The following QTRT2 variants were observed in gnomAD, a reference collection of about 807,000 sequenced individuals.
QTRT2 encodes the protein queuine tRNA-ribosyltransferase accessory subunit 2, also known as queuine tRNA-ribosyltransferase domain containing 1.
Under a neutral mutation model 44.8 loss-of-function variants are expected in QTRT2, and 32 were observed. That is an observed-to-expected ratio of 0.71 (90% confidence interval 0.54 to 0.96). QTRT2 has a LOEUF of 0.96. QTRT2 is among the 40% of genes least tolerant of loss of function. QTRT2 has a pLI of 0.00. For missense variants in QTRT2, 461 were observed against 503.1 expected (o/e 0.92, Z 0.80); for synonymous variants, 182 against 187.4 (o/e 0.97, Z 0.24).
At chr3:114,081,382 C>T (rs888469319) in intron 8 of QTRT2, among the ~76,000 whole-genome samples, 9 of 152,188 alleles carry the variant, frequency 5.9e-5, no homozygotes, top group Non-Finnish European at 1.2e-4. Context: ...TAGGGTCTCA[C>T]TCTGTTGCCC....
chr3:114,059,132 C>T (rs1279733891), intron 2 of QTRT2, among the ~76,000 whole-genome samples: 1 of 152,174 alleles, frequency 6.6e-6, no homozygotes, highest in African/African-American at 2.4e-5. Context: ...GTGGGTCGCA[C>T]TGGAAGTGTT....
At chr3:114,061,164 A>T (rs1577508296) in intron 2 of QTRT2, among the ~76,000 whole-genome samples, 1 of 152,066 alleles carries the variant, frequency 6.6e-6, no homozygotes, top group South Asian at 2.1e-4. Flanking sequence ...AGTTGCCTTT[A>T]TGTACCTTCT....
rs562703386 is a variant in QTRT2, at chr3:114,070,914, G to C, written c.546+76G>C. 959 of 1,141,580 alleles carry C rather than the reference G, an allele frequency of 8.4e-4. 1 individual carries two copies. Among genetic ancestry groups the C allele is most frequent in the Non-Finnish European group, 1.2e-3 (893 of 771,108 alleles). The allele number at this position is 1,141,580 out of a possible 1,614,324, so 70.7% of individuals were successfully genotyped here. On this transcript the variant is annotated intron_variant, in intron 6 of 9. Coordinates refer to ENST00000281273, the MANE Select transcript of QTRT2 (RefSeq NM_024638.4). Reference sequence around the variant, plus strand: ...TACATTCTGTGATACCACCTTTTCTGTTCTTCCTCCTACTGCTGTGCTCCT... The same window carrying C: ...TACATTCTGTGATACCACCTTTTCTCTTCTTCCTCCTACTGCTGTGCTCCT...
intron 9 of QTRT2, among the ~76,000 whole-genome samples, chr3:114,084,259 C>T (rs1362763220): frequency 6.6e-6 from 1 of 152,078 alleles, no homozygotes; most frequent in African/African-American, 2.4e-5. Flanking sequence ...GACGGGGTTT[C>T]ACCATGTTGG....
chr3:114,058,680 G>A (rs1160375452), intron 2 of QTRT2, among the ~76,000 whole-genome samples: 1 of 152,120 alleles, frequency 6.6e-6, no homozygotes, highest in Non-Finnish European at 1.5e-5. Flanking sequence ...TTACAGGCAT[G>A]TGCTGCTACA....
At chr3:114,058,817 C>T (rs2076845041) in intron 2 of QTRT2, among the ~76,000 whole-genome samples, 1 of 152,212 alleles carries the variant, frequency 6.6e-6, no homozygotes, top group Non-Finnish European at 1.5e-5. Context: ...AGGCGTGAGC[C>T]ACCGTGCCCG....
chr3:114,065,602 A>T, intron 3 of QTRT2, 145 bp downstream of exon 3: 1 of 678,176 alleles, frequency 1.5e-6, no homozygotes, highest in Admixed American at 2.9e-5. Flanking sequence ...TTCAAATATT[A>T]TACATCTTCT....
intron 7 of QTRT2, chr3:114,078,384 T>C (rs1309213127): frequency 6.6e-6 from 1 of 152,066 alleles, no homozygotes; most frequent in African/African-American, 2.4e-5. Context: ...AAGGAAACTG[T>C]AGTCAGGAAA....
At chr3:114,077,894 G>T (rs989321879) in intron 7 of QTRT2, 1 of 151,940 alleles carries the variant, frequency 6.6e-6, no homozygotes, top group Non-Finnish European at 1.5e-5. Flanking sequence ...TGTATTTTTA[G>T]TGGAGACGGG....
intron 6 of QTRT2, among the ~76,000 whole-genome samples, chr3:114,074,081 G>GT (rs766968044): frequency 6.6e-6 from 1 of 152,212 alleles, no homozygotes; most frequent in Non-Finnish European, 1.5e-5. Context: ...AGAGTCATCT[G>GT]TTAGTCACAT....
At chr3:114,084,213 C>T (rs1245881759) in intron 9 of QTRT2, among the ~76,000 whole-genome samples, 2 of 152,094 alleles carry the variant, frequency 1.3e-5, no homozygotes, top group East Asian at 1.9e-4. Context: ...CAGGCATGCA[C>T]CACCATGCCT....
chr3:114,062,502 G>A (rs1476110791), intron 2 of QTRT2, among the ~76,000 whole-genome samples: 1 of 152,100 alleles, frequency 6.6e-6, no homozygotes, highest in Non-Finnish European at 1.5e-5. Context: ...GGGGTGATGT[G>A]GTGATGAGGA....
At chr3:114,073,775 A>AT (rs2077054515) in intron 6 of QTRT2, among the ~76,000 whole-genome samples, 1 of 151,918 alleles carries the variant, frequency 6.6e-6, no homozygotes, top group South Asian at 2.1e-4. Flanking sequence ...CCATTCTTCC[A>AT]TTTTAGATAA....
intron 7 of QTRT2, chr3:114,078,467 G>A (rs1284107312): frequency 7.0e-6 from 1 of 142,970 alleles, no homozygotes; most frequent in African/African-American, 2.6e-5. Flanking sequence ...GCATTTCTGT[G>A]CCAGTTCATA....
At chr3:114,065,844 A>G (rs750750905) in intron 3 of QTRT2, among the ~76,000 whole-genome samples, 22 of 152,376 alleles carry the variant, frequency 1.4e-4, no homozygotes, top group Non-Finnish European at 3.2e-4. Flanking sequence ...AAACAGAACT[A>G]AAGTTAGATC....
intron 5 of QTRT2, among the ~76,000 whole-genome samples, chr3:114,068,813 C>T (rs2076987059): frequency 1.3e-5 from 2 of 152,028 alleles, no homozygotes; most frequent in South Asian, 4.1e-4. Context: ...TTTGGTAGGC[C>T]AAGGTGGGTA....
At chr3:114,069,593 G>A (rs936587417) in intron 5 of QTRT2, among the ~76,000 whole-genome samples, 1 of 152,108 alleles carries the variant, frequency 6.6e-6, no homozygotes, top group Non-Finnish European at 1.5e-5. Flanking sequence ...TTTTATGGCT[G>A]TATAATATCC....
intron 9 of QTRT2, 106 bp from the exon 10 acceptor site, chr3:114,085,567 G>A (rs2077224717): frequency 1.1e-6 from 1 of 924,518 alleles, no homozygotes; most frequent in Non-Finnish European, 1.8e-6. Context: ...ACATTTGCCA[G>A]TGATGTTATT....
intron 9 of QTRT2, among the ~76,000 whole-genome samples, chr3:114,085,210 T>C (rs1281225192): frequency 6.6e-6 from 1 of 151,538 alleles, no homozygotes; most frequent in Non-Finnish European, 1.5e-5. Flanking sequence ...TTTGTTAACT[T>C]TTTTTTTTCT....
Sources: gnomAD v4.1 joint callset for allele counts (sites outside exome capture counted in the v4.1 genomes callset) on GRCh38, gnomAD v4.1.1 for gene constraint, MANE v1.5 for transcripts, NCBI Gene and HGNC (gene_info 2026-07-23, HGNC 2026-07-21) for gene names.